The following ARFGEF3 variants were observed in gnomAD, a reference collection of about 807,000 sequenced individuals.
ARFGEF3 encodes brefeldin A-inhibited guanine nucleotide-exchange protein 3.
ARFGEF3 carries 96 observed loss-of-function variants against 221.7 expected under a neutral mutation model. The ratio of observed to expected loss-of-function variants is 0.43; its 90% confidence interval spans 0.37 to 0.51. The LOEUF (loss-of-function observed/expected upper bound fraction) is 0.51, where lower values mean the gene tolerates loss of function less well. Ranked by LOEUF, ARFGEF3 falls within the 20% of genes least tolerant of loss-of-function variation. The pLI, the probability that ARFGEF3 is intolerant of heterozygous loss-of-function variation, is 0.00. For missense variants in ARFGEF3, 2,410 were observed against 2,789.9 expected, an observed-to-expected ratio of 0.86 and a Z score of 3.07; for synonymous variants, 1,145 against 1,126.8, an observed-to-expected ratio of 1.02 and a Z score of -0.32.
chr6:138,317,193 A>G (rs2114674104), intron 26 of ARFGEF3, 58 bp from the exon 27 acceptor site: 3 of 1,582,160 alleles, frequency 1.9e-6, no homozygotes, highest in Non-Finnish European at 2.6e-6. Flanking sequence ...TTGGATCTTG[A>G]GATGATTATT....
At chr6:138,247,790 G>A (rs1443903355) in intron 8 of ARFGEF3, among the ~76,000 whole-genome samples, 7 of 151,992 alleles carry the variant, frequency 4.6e-5, no homozygotes, top group African/African-American at 1.7e-4. Flanking sequence ...CATATAAAAC[G>A]CATTCATGTT....
chr6:138,247,555 G>T (rs1376411917), intron 8 of ARFGEF3, among the ~76,000 whole-genome samples: 1 of 151,962 alleles, frequency 6.6e-6, no homozygotes, highest in African/African-American at 2.4e-5. Flanking sequence ...GTTTCTATTG[G>T]CATATTTTCT....
rs747572122 is a variant in ARFGEF3, at chr6:138,291,951, G to C, written c.3266G>C (p.Arg1089Pro). The change falls in exon 19 of 34, where the codon CGG (arginine) becomes CCG (proline). Residue 1089 changes from arginine to proline, a missense_variant. Arg to Pro is a moderately radical substitution (Grantham distance 103, BLOSUM62 -2). Coordinates refer to ENST00000251691, the MANE Select transcript of ARFGEF3 (RefSeq NM_020340.5). This position sits in a 1 kb window ranked among gnomAD's most constrained non-coding sequence, Gnocchi z 4.5. ...CCCCTGTCCATCCAGGACCTCGTCC[G>C]GGAAGGCAGCCGGGGTCGGGCCTCC... is the stretch of plus-strand genomic sequence containing the variant. ...VQPLSIQDLV[R>P]EGSRGRASDF... 3.3e-6 allele frequency: 5 copies of C among 1,529,100 alleles called. No homozygotes were observed. Among genetic ancestry groups the C allele is most frequent in the Non-Finnish European group, 4.4e-6 (5 of 1,139,058 alleles). 94.7% of individuals were successfully genotyped at this position (1,529,100 alleles called of 1,614,324 possible). A position where few individuals can be genotyped will look rare whatever the true frequency, so the allele number is the denominator to read the frequency against.
intron 2 of ARFGEF3, among the ~76,000 whole-genome samples, chr6:138,206,494 T>C (rs1423906362): frequency 1.3e-5 from 2 of 152,230 alleles, no homozygotes; most frequent in Non-Finnish European, 2.9e-5. Flanking sequence ...TACTTCTTGA[T>C]GGAGACTATA....
intron 6 of ARFGEF3, among the ~76,000 whole-genome samples, chr6:138,239,543 G>C (rs996588714): frequency 6.6e-6 from 1 of 151,834 alleles, no homozygotes; most frequent in Non-Finnish European, 1.5e-5. Flanking sequence ...CAGCTACTTG[G>C]GAGGCTGAGG....
chr6:138,300,014 C>T (rs1200124022), intron 22 of ARFGEF3, among the ~76,000 whole-genome samples: 1 of 151,508 alleles, frequency 6.6e-6, no homozygotes, highest in Non-Finnish European at 1.5e-5. Context: ...AAGAATCCCA[C>T]AAATAAAGTT....
At chr6:138,335,969 G>A (rs766482433) in intron 33 of ARFGEF3, among the ~76,000 whole-genome samples, 45 of 152,020 alleles carry the variant, frequency 3.0e-4, no homozygotes, top group South Asian at 4.2e-4. Flanking sequence ...TGAGATTAAC[G>A]GCCTGTGGAG....
chr6:138,286,664 GTC>G (rs1443837094), intron 15 of ARFGEF3, 35 bp from the exon 16 acceptor site: 1 of 1,589,880 alleles, frequency 6.3e-7, no homozygotes, highest in Non-Finnish European at 8.6e-7. Flanking sequence ...GGTTGTTTTT[GTC>G]TCTAGAAAAT....
chr6:138,238,375 G>C (rs1414224996), intron 5 of ARFGEF3, 134 bp from the exon 6 acceptor site: 2 of 784,928 alleles, frequency 2.5e-6, no homozygotes, highest in Non-Finnish European at 3.8e-6. Flanking sequence ...GTTATATTTA[G>C]TAATAACCAG....
At chr6:138,229,926 ACT>A in intron 5 of ARFGEF3, 74 bp downstream of exon 5, 1 of 1,226,122 alleles carries the variant, frequency 8.2e-7, no homozygotes, top group Non-Finnish European at 1.2e-6. Context: ...TTGGGGTGGA[ACT>A]AAGCCCCAGC....
chr6:138,169,233 G>C (rs1210148018), intron 1 of ARFGEF3, among the ~76,000 whole-genome samples: 1 of 152,156 alleles, frequency 6.6e-6, no homozygotes, highest in Non-Finnish European at 1.5e-5. Flanking sequence ...CTACCATTCT[G>C]TCCTGGGTGC....
At chr6:138,264,204 A>G (rs1019203567) in intron 12 of ARFGEF3, among the ~76,000 whole-genome samples, 5 of 152,204 alleles carry the variant, frequency 3.3e-5, no homozygotes, top group Admixed American at 3.3e-4. Flanking sequence ...GGCAAATCAC[A>G]TCAGAAAATA....
At chr6:138,241,551 C>A (rs1778393459) in intron 6 of ARFGEF3, among the ~76,000 whole-genome samples, 1 of 152,206 alleles carries the variant, frequency 6.6e-6, no homozygotes, top group Admixed American at 6.5e-5. Context: ...CAGGTGCAGA[C>A]AGCCACAGGT....
chr6:138,255,834 G>A (rs1778667859), intron 10 of ARFGEF3, 65 bp downstream of exon 10: 3 of 1,328,754 alleles, frequency 2.3e-6, no homozygotes, highest in South Asian at 1.5e-5. Flanking sequence ...TCGCATACAA[G>A]AAGCGCTCAG....
chr6:138,326,610 A>G (rs776965019), intron 31 of ARFGEF3, among the ~76,000 whole-genome samples: 6 of 152,208 alleles, frequency 3.9e-5, no homozygotes, highest in East Asian at 3.8e-4. Flanking sequence ...TCAAAAAACA[A>G]TAGGTGCTGG....
chr6:138,222,713 A>G (rs745931095), intron 4 of ARFGEF3, among the ~76,000 whole-genome samples: 4 of 152,206 alleles, frequency 2.6e-5, no homozygotes, highest in Non-Finnish European at 5.9e-5. Flanking sequence ...TGTCATCAAC[A>G]TTTTATTTTT....
chr6:138,196,995 G>A (rs550437613), intron 2 of ARFGEF3, among the ~76,000 whole-genome samples: 1 of 151,996 alleles, frequency 6.6e-6, no homozygotes, highest in Non-Finnish European at 1.5e-5. Context: ...CACCACGCCC[G>A]GCTAATTTTG....
chr6:138,184,786 C>T (rs1777150648), intron 2 of ARFGEF3, among the ~76,000 whole-genome samples: 1 of 152,180 alleles, frequency 6.6e-6, no homozygotes. Context: ...GAGCTGGCCT[C>T]TCTCATGGCA....
At position 138,170,111 on chromosome 6, in the gene ARFGEF3, A is replaced by G. The variant is rs572194706; in HGVS notation, c.86-551A>G. ...AAAAATCCACAAACAATGGCAAAGT[A>G]TTGAACATCCAGGTTGGATTAACAA... is the stretch of plus-strand genomic sequence containing the variant. On this transcript the variant is annotated intron_variant, in intron 1 of 33. Coordinates refer to ENST00000251691, the MANE Select transcript of ARFGEF3 (RefSeq NM_020340.5). Among the ~76,000 whole-genome samples, 13 of 152,356 alleles carry G rather than the reference A, an allele frequency of 8.5e-5. No homozygotes were observed. In the East Asian group the frequency reaches 2.5e-3, roughly 29 times the overall value.
Sources: gnomAD v4.1 joint callset for allele counts (sites outside exome capture counted in the v4.1 genomes callset) on GRCh38, gnomAD v4.1.1 for gene constraint, Gnocchi (gnomAD v3.1) non-coding constraint, MANE v1.5 for transcripts, NCBI Gene and HGNC (gene_info 2026-07-23, HGNC 2026-07-21) for gene names.